The following CAPRIN2 variants were observed in gnomAD, a reference collection of about 807,000 sequenced individuals.
CAPRIN2 encodes the protein caprin family member 2.
Under a neutral mutation model 130.4 loss-of-function variants are expected in CAPRIN2, and 66 were observed. The ratio of observed to expected loss-of-function variants is 0.51; its 90% CI spans 0.42 to 0.62. The LOEUF is 0.62. Among genes scored for constraint, CAPRIN2 ranks in the 20% least tolerant of loss-of-function variants. CAPRIN2 has a pLI of 0.00. For synonymous variants in CAPRIN2, 471 were observed against 444.1 expected (o/e 1.06, Z -0.76); for missense variants, 1,185 against 1,246.6 (o/e 0.95, Z 0.74).
chr12:30,732,687 T>C (rs757068814), intron 5 of CAPRIN2, among the ~76,000 whole-genome samples: 5 of 152,092 alleles, frequency 3.3e-5, no homozygotes, highest in Non-Finnish European at 5.9e-5. Context: ...CATAATTATT[T>C]TGAGATTCAT....
chr12:30,710,158 C>G lies in CAPRIN2; in HGVS notation c.2978G>C (p.Gly993Ala). 6.2e-7 allele frequency: 1 copy of G among 1,614,072 alleles called. No individual in the cohort carries two copies. The highest frequency in any genetic ancestry group is 1.1e-5 in the South Asian group (1 of 91,076). ...CATGTGAAAAATGAAAACGTAAGTG[C>G]CATTCACTGGGCAATTAAATCTACC... The change falls in exon 17 of 17, where the codon GGC becomes GCC. Residue 993 changes from glycine (G) to alanine (A), a missense_variant. This residue lies in a region of CAPRIN2 where 81 missense variants were observed against 142.2 expected (regional missense o/e 0.57). Transcript: ENST00000298892. The surrounding 1 kb of genome is among the most constrained non-coding windows in gnomAD (Gnocchi z 4.8).
At chr12:30,735,513 C>T (rs1387255992) in intron 3 of CAPRIN2, among the ~76,000 whole-genome samples, 1 of 152,174 alleles carries the variant, frequency 6.6e-6, no homozygotes, top group African/African-American at 2.4e-5. Flanking sequence ...TTCATTTCAA[C>T]ATTTTACTCT....
intron 2 of CAPRIN2, 141 bp from the exon 4 acceptor site, chr12:30,741,247 A>G (rs971520741): frequency 4.5e-6 from 2 of 444,960 alleles, no homozygotes; most frequent in African/African-American, 4.1e-5. Context: ...TACTTGCCTA[A>G]TGAAAAAGGA....
intron 1 of CAPRIN2, among the ~76,000 whole-genome samples, chr12:30,752,448 G>A (rs1278567825): frequency 6.6e-6 from 1 of 152,004 alleles, no homozygotes; most frequent in Non-Finnish European, 1.5e-5. Flanking sequence ...CAGTGATGGG[G>A]AATTTGTGCT....
intron 11 of CAPRIN2, among the ~76,000 whole-genome samples, chr12:30,721,142 C>T (rs1026192384): frequency 4.6e-5 from 7 of 152,288 alleles, no homozygotes; most frequent in African/African-American, 1.7e-4. Flanking sequence ...AAGGTTAAGA[C>T]ATTTGCCCAA....
chr12:30,739,985 C>T (rs2066674326), intron 3 of CAPRIN2, among the ~76,000 whole-genome samples: 1 of 152,152 alleles, frequency 6.6e-6, no homozygotes, highest in Non-Finnish European at 1.5e-5. Flanking sequence ...TTTTAAATAT[C>T]ATAAAAGTAT....
chr12:30,715,638 T>C (rs1429486626), intron 13 of CAPRIN2: 1 of 278,234 alleles, frequency 3.6e-6, no homozygotes, highest in African/African-American at 2.3e-5. Flanking sequence ...CACAGAACTA[T>C]ATAGTTAAAA....
At chr12:30,747,452 C>T (rs6487937) in intron 2 of CAPRIN2, among the ~76,000 whole-genome samples, 72,995 of 151,326 alleles carry the variant, frequency 0.48, 18,047 homozygotes, top group African/African-American at 0.55. Context: ...CCGAGGCGGG[C>T]AGATCACCTG....
intron 2 of CAPRIN2, among the ~76,000 whole-genome samples, chr12:30,747,942 G>A (rs907299877): frequency 1.3e-5 from 2 of 152,180 alleles, no homozygotes; most frequent in Non-Finnish European, 2.9e-5. Flanking sequence ...TGCAGATGTG[G>A]TGAAAATAGC....
At chr12:30,753,118 C>A (rs1423799572) in intron 1 of CAPRIN2, among the ~76,000 whole-genome samples, 3 of 152,228 alleles carry the variant, frequency 2.0e-5, no homozygotes, top group Non-Finnish European at 1.5e-5. Flanking sequence ...AGTATTTCAA[C>A]AGCAGCATGC....
intron 2 of CAPRIN2, among the ~76,000 whole-genome samples, chr12:30,747,382 TAAGA>T (rs1428529704): frequency 6.6e-6 from 1 of 152,210 alleles, no homozygotes; most frequent in African/African-American, 2.4e-5. Context: ...CACGTCTTCT[TAAGA>T]AATACATTTG....
chr12:30,753,244 T>C, intron 1 of CAPRIN2, 100 bp downstream of exon 2: 1 of 983,866 alleles, frequency 1.0e-6, no homozygotes, highest in Non-Finnish European at 1.5e-6. Context: ...TAAGGTTAGT[T>C]AAATTTTTAG....
At chr12:30,719,312 G>T in intron 12 of CAPRIN2, 87 bp from the exon 14 acceptor site, 1 of 1,471,240 alleles carries the variant, frequency 6.8e-7, no homozygotes, top group Non-Finnish European at 9.3e-7. Flanking sequence ...GCATAAGTCA[G>T]CAAGTTCTTT....
Position 30,716,957 on chromosome 12 carries a change from C to T in CAPRIN2, c.2149-281G>A, listed in dbSNP as rs189637990. ...CAGAAAATAAGTGTTGGCAAGGATG[C>T]GGAGGAACTGGAACCCTCATGCATT... On this transcript the variant is annotated intron_variant, in intron 12 of 16. Coordinates refer to ENST00000298892, the Ensembl canonical transcript of CAPRIN2. 2.9e-3 allele frequency among the ~76,000 whole-genome samples: 449 copies of T among 152,238 alleles called. 2 individuals carry two copies. Among genetic ancestry groups the T allele is most frequent in the African/African-American group, 9.3e-3 (388 of 41,546 alleles).
chr12:30,711,421 C>T, intron 16 of CAPRIN2, 145 bp downstream of exon 18: 2 of 663,142 alleles, frequency 3.0e-6, no homozygotes, highest in South Asian at 1.8e-5. Flanking sequence ...TCCCTTAGTA[C>T]TTTAGTACTA....
intron 10 of CAPRIN2, 135 bp downstream of exon 11, chr12:30,724,235 C>T (rs1157455155): frequency 9.8e-6 from 6 of 609,390 alleles, no homozygotes; most frequent in Non-Finnish European, 1.8e-5. Context: ...TAACTGGTAA[C>T]AGATGGATAC....
intron 1 of CAPRIN2, 171 bp from the exon 3 acceptor site, chr12:30,751,304 G>A: frequency 1.0e-5 from 6 of 590,722 alleles, no homozygotes; most frequent in South Asian, 2.0e-5. Flanking sequence ...TTCCAGTCAG[G>A]GGAGAAAAAA....
intron 6 of CAPRIN2, among the ~76,000 whole-genome samples, chr12:30,730,532 C>G (rs1485206913): frequency 6.6e-6 from 1 of 152,172 alleles, no homozygotes; most frequent in South Asian, 2.1e-4. Context: ...CAGTTTAAAA[C>G]TGATATCTGA....
At chr12:30,739,786 T>A (rs2066565407) in intron 3 of CAPRIN2, among the ~76,000 whole-genome samples, 1 of 152,094 alleles carries the variant, frequency 6.6e-6, no homozygotes, top group African/African-American at 2.4e-5. Context: ...ATTGGACTAT[T>A]TATAGCAACT....
Sources: gnomAD v4.1 joint callset for allele counts (sites outside exome capture counted in the v4.1 genomes callset) on GRCh38, gnomAD v4.1.1 for gene constraint, gnomAD v4.1.1 regional missense constraint, Gnocchi (gnomAD v3.1) non-coding constraint, MANE v1.5 for transcripts, NCBI Gene and HGNC (gene_info 2026-07-23, HGNC 2026-07-21) for gene names.